SMURF1: variants seen among roughly 807,000 people sequenced by gnomAD.
SMURF1 encodes E3 ubiquitin-protein ligase SMURF1.
A neutral mutation model predicts 98.0 loss-of-function variants in SMURF1; 44 were observed. The ratio of observed to expected loss-of-function variants is 0.45; its 90% CI spans 0.35 to 0.58. The LOEUF (loss-of-function observed/expected upper bound fraction) is 0.58. Ranked by LOEUF, SMURF1 falls within the 20% of genes least tolerant of loss-of-function variation. The pLI is 0.00. For synonymous variants in SMURF1, 396 were observed against 374.9 expected (o/e 1.06, Z -0.65); for missense variants, 687 against 938.4 (o/e 0.73, Z 3.50).
intron 1 of SMURF1, among the ~76,000 whole-genome samples, chr7:99,075,273 C>T (rs1487255983): frequency 6.6e-6 from 1 of 152,170 alleles, no homozygotes; most frequent in African/African-American, 2.4e-5. Context: ...GCATGCGCCA[C>T]CAAGCCTGGC....
At chr7:99,143,619 G>A in intron 1 of SMURF1, 107 bp downstream of exon 1, 1 of 958,462 alleles carries the variant, frequency 1.0e-6, no homozygotes, top group Non-Finnish European at 1.5e-6. Context: ...CGAGGTCCTG[G>A]GACAACGGCC....
chr7:99,050,911 T>C, intron 8 of SMURF1: 2 of 1,488,042 alleles, frequency 1.3e-6, no homozygotes, highest in Non-Finnish European at 1.8e-6. Context: ...GGGGTCTCTC[T>C]AACCTGGGCT....
intron 1 of SMURF1, among the ~76,000 whole-genome samples, chr7:99,118,846 A>G (rs1007573593): frequency 6.6e-6 from 1 of 151,928 alleles, no homozygotes; most frequent in Non-Finnish European, 1.5e-5. Context: ...GAGGATCTCT[A>G]AGATAGTTCC....
chr7:99,108,971 T>C (rs996986135), intron 1 of SMURF1, among the ~76,000 whole-genome samples: 5 of 152,184 alleles, frequency 3.3e-5, no homozygotes, highest in African/African-American at 1.2e-4. Context: ...GGGAATAGCA[T>C]GATTCCTGAT....
In SMURF1 at chr7:99,042,197, T is replaced by C; in HGVS notation, c.1292A>G (p.Asn431Ser). The C allele has an allele frequency of 6.2e-7, 1 of 1,614,010 alleles. No individual in the cohort carries two copies. Among genetic ancestry groups the C allele is most frequent in the South Asian group, 1.1e-5 (1 of 91,032 alleles). Reference sequence around the variant, plus strand: ...ATACTGGAAGAGCCCGTAATAAGGATTCAGCATTTCATGGCACAGCAAGTA... The same window carrying C: ...ATACTGGAAGAGCCCGTAATAAGGACTCAGCATTTCATGGCACAGCAAGTA... ...WLYLLCHEML[N>S]PYYGLFQYST... Residue 431 changes from asparagine to serine, a missense_variant, in exon 12 of 18, where the codon AAT becomes AGT. This residue lies in a region of SMURF1 where 272 missense variants were observed against 430.0 expected (regional missense o/e 0.63). Coordinates refer to ENST00000361368, the MANE Select transcript of SMURF1 (RefSeq NM_181349.3).
At chr7:99,037,028 A>G (rs759666669) in intron 15 of SMURF1, 39 bp downstream of exon 15, 26 of 1,612,198 alleles carry the variant, frequency 1.6e-5, no homozygotes, top group Non-Finnish European at 2.1e-5. Context: ...CGCCAGCCAC[A>G]GGGACGCCCT....
chr7:99,080,329 C>T (rs1003348753), intron 1 of SMURF1, among the ~76,000 whole-genome samples: 1 of 152,188 alleles, frequency 6.6e-6, no homozygotes, highest in Non-Finnish European at 1.5e-5. Flanking sequence ...GACGGAGTTT[C>T]GCTCTTGTTG....
chr7:99,058,332 G>T (rs1214824346), intron 3 of SMURF1, among the ~76,000 whole-genome samples: 1 of 151,416 alleles, frequency 6.6e-6, no homozygotes, highest in African/African-American at 2.4e-5. Flanking sequence ...GTTTCACCAT[G>T]TTGGCCAGGC....
chr7:99,033,406 G>A (rs1473508150), intron 16 of SMURF1, among the ~76,000 whole-genome samples: 1 of 152,244 alleles, frequency 6.6e-6, no homozygotes, highest in East Asian at 1.9e-4. Context: ...TGACTGCCGG[G>A]TTCAAGCAAT....
intron 1 of SMURF1, among the ~76,000 whole-genome samples, chr7:99,108,795 G>T (rs1797257674): frequency 6.6e-6 from 1 of 152,020 alleles, no homozygotes; most frequent in Non-Finnish European, 1.5e-5. Flanking sequence ...TAGTAAGAAG[G>T]CTCTTAGTAA....
chr7:99,143,305 G>A (rs1480126715), intron 1 of SMURF1, among the ~76,000 whole-genome samples: 1 of 145,534 alleles, frequency 6.9e-6, no homozygotes, highest in Non-Finnish European at 1.5e-5. Flanking sequence ...GGGAGAGGAA[G>A]GGAAGCGAGA....
Position 99,029,845 on chromosome 7 carries a change from C to CAGAT in SMURF1, c.*735_*738dup, listed in dbSNP as rs1794818275. The CAGAT allele has an allele frequency of 6.6e-6, 1 of 152,124 alleles. No individual in the cohort carries two copies. Among genetic ancestry groups the CAGAT allele is most frequent in the African/African-American group, 2.4e-5 (1 of 41,408 alleles). The allele number at this position is 152,124 out of a possible 1,614,324, so 9.4% of individuals were successfully genotyped here. ...TCACTGAAAAAAAAGTCAAACTGGA[C>CAGAT]AGATAATGCAGCAAAAGGGACCCTT... On this transcript the variant is annotated 3_prime_UTR_variant, in exon 18 of 18. Coordinates refer to ENST00000361368, the MANE Select transcript of SMURF1 (RefSeq NM_181349.3).
At chr7:99,070,830 CT>C (rs1796299673) in intron 1 of SMURF1, among the ~76,000 whole-genome samples, 1 of 152,090 alleles carries the variant, frequency 6.6e-6, no homozygotes, top group Non-Finnish European at 1.5e-5. Flanking sequence ...ATGAAAACAA[CT>C]GTTTTGCAAG....
rs150021173 is a variant in SMURF1 at position 99,127,871 on chromosome 7, C to A, written c.55+15855G>T. On this transcript the variant is annotated intron_variant, in intron 1 of 17. Coordinates refer to ENST00000361368, the MANE Select transcript of SMURF1 (RefSeq NM_181349.3). ...TGCTGAGAGATCGTGGACTGGCTTGCGTCTATTCTAAATATAAACAACGCT... is the reference window on the plus strand; with the variant it reads ...TGCTGAGAGATCGTGGACTGGCTTGAGTCTATTCTAAATATAAACAACGCT... 3.8e-4 allele frequency among the ~76,000 whole-genome samples: 58 copies of A among 152,156 alleles called. 1 individual carries two copies. The East Asian group carries it at 0.011, about 28-fold the overall frequency.
intron 1 of SMURF1, among the ~76,000 whole-genome samples, chr7:99,115,922 A>C (rs920801219): frequency 6.6e-6 from 1 of 152,160 alleles, no homozygotes; most frequent in Non-Finnish European, 1.5e-5. Flanking sequence ...CCAAAAATAA[A>C]AGAAGAGGAG....
chr7:99,142,253 G>A (rs1798137572), intron 1 of SMURF1, among the ~76,000 whole-genome samples: 1 of 152,214 alleles, frequency 6.6e-6, no homozygotes, highest in Non-Finnish European at 1.5e-5. Flanking sequence ...CAAGGAGCCT[G>A]CGTGTGGGCA....
intron 1 of SMURF1, among the ~76,000 whole-genome samples, chr7:99,108,261 A>G (rs1797236252): frequency 6.6e-6 from 1 of 151,752 alleles, no homozygotes; most frequent in African/African-American, 2.4e-5. Context: ...TCTGTCGCCC[A>G]GGCTGGAGTG....
At chr7:99,036,081 C>T (rs1004225784) in intron 15 of SMURF1, 32 of 288,790 alleles carry the variant, frequency 1.1e-4, no homozygotes, top group Admixed American at 1.9e-4. Flanking sequence ...CTCTCCAGGA[C>T]ACTCAAGGAC....
chr7:99,108,439 G>A (rs904234103), intron 1 of SMURF1, among the ~76,000 whole-genome samples: 7 of 151,426 alleles, frequency 4.6e-5, no homozygotes, highest in Non-Finnish European at 8.8e-5. Context: ...GTGAAACCCC[G>A]TCTCTACTAA....
Sources: gnomAD v4.1 joint callset for allele counts (sites outside exome capture counted in the v4.1 genomes callset) on GRCh38, gnomAD v4.1.1 for gene constraint, gnomAD v4.1.1 regional missense constraint, MANE v1.5 for transcripts, NCBI Gene and HGNC (gene_info 2026-07-23, HGNC 2026-07-21) for gene names.